SP140: variants seen among roughly 807,000 people sequenced by gnomAD.
The protein encoded by SP140 is nuclear body protein SP140.
A neutral mutation model predicts 125.0 loss-of-function variants in SP140; 81 were observed. The observed-to-expected ratio is 0.65, with a 90% CI of 0.54 to 0.78. The LOEUF (loss-of-function observed/expected upper bound fraction) is 0.78. Ranked by LOEUF, SP140 falls within the 30% of genes least tolerant of loss-of-function variation. The pLI, the probability that SP140 is intolerant of heterozygous loss-of-function variation, is 0.00. For missense variants in SP140, 858 were observed against 1,037.0 expected, an observed-to-expected ratio of 0.83 and a Z score of 2.37; for synonymous variants, 312 against 354.0, an observed-to-expected ratio of 0.88 and a Z score of 1.33.
At position 230,255,644 on chromosome 2, in the gene SP140, G is replaced by C. The variant is rs191255078; in HGVS notation, c.1240+112G>C. 1,724 of 903,904 alleles carry C rather than the reference G, an allele frequency of 1.9e-3. 21 individuals carry two copies. The highest frequency in any genetic ancestry group is 2.3e-4 in the Non-Finnish European group (134 of 572,042). 56.0% of individuals were successfully genotyped at this position (903,904 alleles called of 1,614,324 possible). On this transcript the variant is annotated intron_variant, in intron 12 of 26. Transcript: ENST00000392045. ...CTCTGCATATACCTCACAGTGAAAG[G>C]ATCTAATTAATCCTGAGATTTTTCA...
chr2:230,257,901 G>A (rs916036239), intron 12 of SP140, among the ~76,000 whole-genome samples: 12 of 151,952 alleles, frequency 7.9e-5, no homozygotes, highest in Non-Finnish European at 1.5e-5. Context: ...TGTGGATCTC[G>A]GTGACTGGCG....
At chr2:230,248,248 A>C (rs2049795817) in intron 8 of SP140, among the ~76,000 whole-genome samples, 183 bp downstream of exon 8, 2 of 152,210 alleles carry the variant, frequency 1.3e-5, no homozygotes, top group African/African-American at 4.8e-5. Context: ...TCTATCTTAC[A>C]GACTGAGAAA....
chr2:230,198,263 G>A (rs1374743861), upstream of SP140, among the ~76,000 whole-genome samples: 7 of 152,242 alleles, frequency 4.6e-5, no homozygotes, highest in East Asian at 3.9e-4. Flanking sequence ...GCTCTTACAT[G>A]CTGTGACCCA....
At chr2:230,303,846 C>G (rs2058523058) in intron 22 of SP140, among the ~76,000 whole-genome samples, 1 of 152,144 alleles carries the variant, frequency 6.6e-6, no homozygotes, top group African/African-American at 2.4e-5. Context: ...AGACCTGGAA[C>G]AAGACAAGGA....
chr2:230,195,568 G>T, the SP140 span, among the ~76,000 whole-genome samples: 2,331 of 152,188 alleles, frequency 0.015, 41 homozygotes, highest in African/African-American at 0.051. Context: ...GGACTCAAGT[G>T]AACCTCCTGC....
At chr2:230,308,637 T>A (rs1342692343) in intron 22 of SP140, among the ~76,000 whole-genome samples, 1 of 152,230 alleles carries the variant, frequency 6.6e-6, no homozygotes, top group Non-Finnish European at 1.5e-5. Context: ...GGGCGGGCTG[T>A]CCCCTGCTTC....
intron 9 of SP140, among the ~76,000 whole-genome samples, chr2:230,250,742 G>C (rs2050235880): frequency 6.6e-6 from 1 of 152,124 alleles, no homozygotes; most frequent in South Asian, 2.1e-4. Flanking sequence ...GGGGGAGGGG[G>C]AGAAGGAGAG....
At position 230,309,909 on chromosome 2, in the gene SP140, T is replaced by C. The variant is rs372253546; in HGVS notation, c.2059-15T>C. Reference sequence around the variant, plus strand: ...TTGCGGTTCCCAGTGACGTGGACACTGTTTTATCTTCTAGATGAGAAACCT... The same window carrying C: ...TTGCGGTTCCCAGTGACGTGGACACCGTTTTATCTTCTAGATGAGAAACCT... On this transcript the variant is annotated splice_polypyrimidine_tract_variant and intron_variant, in intron 22 of 26. Transcript: ENST00000392045. 1.2e-6 allele frequency: 2 copies of C among 1,613,090 alleles called. No individual in the cohort carries two copies. The highest frequency in any genetic ancestry group is 1.7e-6 in the Non-Finnish European group (2 of 1,179,904).
At chr2:230,255,319 C>CAGG (rs1357287871) in intron 11 of SP140, 133 bp from the exon 12 acceptor site, 1 of 960,498 alleles carries the variant, frequency 1.0e-6, no homozygotes, top group Admixed American at 2.1e-5. Context: ...CAGGGCAGAC[C>CAGG]AGGAGGACCT....
At chr2:230,221,836 A>G (rs534011523), upstream of SP140, 220 of 1,033,668 alleles carry the variant, frequency 2.1e-4, no homozygotes, top group African/African-American at 2.8e-3. Context: ...AAAGTAAAGC[A>G]GGAGTGGGAA....
At chr2:230,310,324 G>T in intron 23 of SP140, 1 of 497,180 alleles carries the variant, frequency 2.0e-6, no homozygotes, top group South Asian at 2.3e-5. Flanking sequence ...GCAGCTGGGT[G>T]GGTTGGAGAC....
chr2:230,306,619 T>C (rs949519826), intron 22 of SP140, among the ~76,000 whole-genome samples: 2 of 152,240 alleles, frequency 1.3e-5, no homozygotes, highest in African/African-American at 4.8e-5. Flanking sequence ...GCTGCAATCT[T>C]GGAGCAGGGT....
chr2:230,226,706 G>A (rs938236730), intron 1 of SP140, among the ~76,000 whole-genome samples: 8 of 143,708 alleles, frequency 5.6e-5, no homozygotes, highest in South Asian at 2.2e-4. Context: ...AGGTTTTGGC[G>A]AGCCAAGATC....
chr2:230,300,039 A>G (rs568249787), intron 22 of SP140, among the ~76,000 whole-genome samples: 2 of 152,230 alleles, frequency 1.3e-5, no homozygotes, highest in East Asian at 3.9e-4. Context: ...GTAGCTGAAG[A>G]CAAAAGACAG....
At chr2:230,203,687 G>A (rs2043433680) in intron 1 of SP140, 1 of 152,164 alleles carries the variant, frequency 6.6e-6, no homozygotes, top group South Asian at 2.1e-4. Context: ...GAAAATATGA[G>A]AGTGTGGTAT....
chr2:230,203,422 T>C (rs75411703), intron 1 of SP140: 19,259 of 153,524 alleles, frequency 0.13, 1,369 homozygotes, highest in South Asian at 0.27. Context: ...GCAGCCATGC[T>C]TCCCGCACGC....
chr2:230,204,697 T>C (rs2043566395), intron 1 of SP140, among the ~76,000 whole-genome samples: 1 of 152,010 alleles, frequency 6.6e-6, no homozygotes, highest in Admixed American at 6.6e-5. Context: ...GTAATTACAA[T>C]AGAGTATTTG....
chr2:230,241,751 C>T (rs898589004), intron 4 of SP140, among the ~76,000 whole-genome samples: 3 of 152,168 alleles, frequency 2.0e-5, no homozygotes, highest in Non-Finnish European at 4.4e-5. Flanking sequence ...GAGAATAATA[C>T]AGGACAAATT....
At chr2:230,268,398 C>A (rs1029451550) in intron 12 of SP140, among the ~76,000 whole-genome samples, 1 of 151,942 alleles carries the variant, frequency 6.6e-6, no homozygotes, top group African/African-American at 2.4e-5. Flanking sequence ...GTGGCAGGCA[C>A]CTGTAATCCC....
Sources: allele counts gnomAD v4.1 joint callset (sites outside exome capture counted in the v4.1 genomes callset), GRCh38; gene constraint gnomAD v4.1.1; transcripts MANE v1.5; gene names NCBI Gene and HGNC (gene_info 2026-07-23, HGNC 2026-07-21).